The following SCN7A variants were observed in gnomAD, a reference collection of about 807,000 sequenced individuals.
The protein encoded by SCN7A is sodium channel protein type 7 subunit alpha.
Under a neutral mutation model 155.2 loss-of-function variants are expected in SCN7A, and 138 were observed. That is an observed-to-expected ratio of 0.89 (90% CI 0.77 to 1.02). The LOEUF (loss-of-function observed/expected upper bound fraction) is 1.02. SCN7A is among the 50% of genes least tolerant of loss of function. SCN7A has a pLI of 0.00. For missense variants in SCN7A, 2,058 were observed against 1,986.6 expected (o/e 1.04, Z -0.68); for synonymous variants, 693 against 649.0 (o/e 1.07, Z -1.03).
intron 12 of SCN7A, among the ~76,000 whole-genome samples, chr2:166,445,476 G>T (rs1462604002): frequency 6.6e-6 from 1 of 152,146 alleles, no homozygotes; most frequent in East Asian, 1.9e-4. Flanking sequence ...GAGATTTGAG[G>T]ATAGAATTCT....
intron 14 of SCN7A, 92 bp downstream of exon 14, chr2:166,443,411 A>G (rs1012996425): frequency 3.9e-6 from 4 of 1,017,652 alleles, no homozygotes; most frequent in Non-Finnish European, 4.3e-6. Context: ...CAATGTCCCA[A>G]TGGGATAGGT....
chr2:166,484,962 A>C (rs1229956254), intron 2 of SCN7A, among the ~76,000 whole-genome samples: 2 of 152,140 alleles, frequency 1.3e-5, no homozygotes, highest in African/African-American at 4.8e-5. Context: ...CTTTTAAAGC[A>C]TAAGTACCCA....
intron 3 of SCN7A, among the ~76,000 whole-genome samples, chr2:166,476,994 AT>A (rs1702813257): frequency 6.6e-6 from 1 of 152,088 alleles, no homozygotes; most frequent in African/African-American, 2.4e-5. Flanking sequence ...GCCTAAAGTC[AT>A]TCTGGAGATA....
chr2:166,426,950 G>C (rs772555201), intron 18 of SCN7A, among the ~76,000 whole-genome samples: 9 of 152,022 alleles, frequency 5.9e-5, no homozygotes, highest in Non-Finnish European at 1.2e-4. Flanking sequence ...CAGTTAACTA[G>C]ATCTTGTATG....
intron 15 of SCN7A, among the ~76,000 whole-genome samples, chr2:166,434,201 C>T (rs1701791626): frequency 6.6e-6 from 1 of 152,004 alleles, no homozygotes; most frequent in Admixed American, 6.6e-5. Context: ...GTGTTTAATC[C>T]TAATGGGTTA....
intron 7 of SCN7A, 77 bp downstream of exon 7, chr2:166,470,538 A>G (rs1702629640): frequency 2.4e-6 from 3 of 1,226,072 alleles, no homozygotes; most frequent in African/African-American, 1.5e-5. Flanking sequence ...CCTCTGAACA[A>G]CAACAGGGAA....
Position 166,405,327 on chromosome 2 carries a change from A to C in SCN7A, c.*253T>G. On this transcript the variant is annotated 3_prime_UTR_variant, in exon 26 of 26. Transcript: ENST00000643258. ...GGCACACATCATATAAGCCATGTAG[A>C]GAAAACAAATATGAGATTGTCAAAT... The C allele has an allele frequency of 2.4e-6, 1 of 416,994 alleles. No homozygotes were observed. The allele number at this position is 416,994 out of a possible 1,614,324, so 25.8% of individuals were successfully genotyped here.
chr2:166,411,814 G>A (rs1316051018), intron 23 of SCN7A, among the ~76,000 whole-genome samples: 2 of 152,000 alleles, frequency 1.3e-5, no homozygotes, highest in Non-Finnish European at 2.9e-5. Context: ...TACTGTACCA[G>A]ATTTTACACA....
intron 16 of SCN7A, among the ~76,000 whole-genome samples, chr2:166,429,744 G>T (rs1016681019): frequency 6.6e-6 from 1 of 152,016 alleles, no homozygotes; most frequent in Non-Finnish European, 1.5e-5. Flanking sequence ...TCTTATGTAT[G>T]TCATCACAGG....
In SCN7A at chr2:166,414,191, TATA is replaced by T. The variant is rs1333638114; in HGVS notation, c.3415-1073_3415-1071del. Among the ~76,000 whole-genome samples, 50 of 97,658 alleles carry T rather than the reference TATA, an allele frequency of 5.1e-4. No individual in the cohort carries two copies. The East Asian group carries it at 6.8e-3, about 13-fold the overall frequency. The allele number at this position is 97,658 out of a possible 152,430, so 64.1% of individuals were successfully genotyped here. A position where few individuals can be genotyped will look rare whatever the true frequency, so the allele number is the denominator to read the frequency against. The stretch of plus-strand genomic sequence containing the variant: ...TATATATATGTAAATATATATAATA[TATA>T]ATATATTATATATATGTAAATATAT... On this transcript the variant is annotated intron_variant, in intron 21 of 25. Coordinates refer to ENST00000643258, the MANE Select transcript of SCN7A (RefSeq NM_002976.4).
chr2:166,451,091 G>A (rs2105452990), intron 11 of SCN7A, among the ~76,000 whole-genome samples: 1 of 152,238 alleles, frequency 6.6e-6, no homozygotes, highest in South Asian at 2.1e-4. Flanking sequence ...TTCAGATAGG[G>A]ACAATGTTTG....
chr2:166,482,511 A>G (rs1014952778), intron 2 of SCN7A, among the ~76,000 whole-genome samples: 3 of 151,934 alleles, frequency 2.0e-5, no homozygotes, highest in African/African-American at 7.2e-5. Flanking sequence ...CTTTCCTCAT[A>G]TATAAAATTT....
Position 166,405,284 on chromosome 2 carries a change from T to TC in SCN7A, c.*295dup, listed in dbSNP as rs1701042553. On this transcript the variant is annotated 3_prime_UTR_variant, in exon 26 of 26. Coordinates refer to ENST00000643258, the MANE Select transcript of SCN7A (RefSeq NM_002976.4). ...GCTGCTGCTGATCTCTATCACCACT[T>TC]CCCTTCATTCCCTAGAAGGCACACA... 3.5e-6 allele frequency: 1 copy of TC among 287,566 alleles called. No individual in the cohort carries two copies. The highest frequency in any genetic ancestry group is 6.3e-6 in the Non-Finnish European group (1 of 157,768). The allele number at this position is 287,566 out of a possible 1,614,324, so 17.8% of individuals were successfully genotyped here.
chr2:166,450,167 A>G (rs1702146843), intron 11 of SCN7A, among the ~76,000 whole-genome samples: 1 of 152,228 alleles, frequency 6.6e-6, no homozygotes, highest in East Asian at 1.9e-4. Context: ...CTTGATGAAC[A>G]TGGACGCAGC....
chr2:166,426,884 C>T (rs1575016237), intron 18 of SCN7A, among the ~76,000 whole-genome samples: 1 of 151,932 alleles, frequency 6.6e-6, no homozygotes, highest in East Asian at 1.9e-4. Context: ...AAAATATAGG[C>T]AGTGCAAAGT....
rs531498308 is a variant in SCN7A, at chr2:166,447,677, C to A, written c.1322G>T (p.Arg441Met). The A allele has an allele frequency of 2.6e-5, 42 of 1,613,002 alleles. No homozygotes were observed. In the African/African-American group the frequency reaches 5.2e-4, roughly 20 times the overall value. ...AKTIQIEMKK[R>M]SPISTDTSLD... ...TGATGTGTCTGTGGAAATTGGTGAC[C>A]TTTTCTTCATTTCTATTTGTATGGT... The change falls in exon 12 of 26, where the codon AGG (arginine) becomes ATG (methionine). Residue 441 changes from arginine (R) to methionine (M), a missense_variant. Coordinates refer to ENST00000643258, the MANE Select transcript of SCN7A (RefSeq NM_002976.4).
chr2:166,447,708 C>T lies in SCN7A; in HGVS notation c.1291G>A (p.Ala431Thr). 6.2e-7 allele frequency: 1 copy of T among 1,609,274 alleles called. No homozygotes were observed. The highest frequency in any genetic ancestry group is 1.1e-5 in the South Asian group (1 of 90,902). ...ELQEGNETDE[A>T]KTIQIEMKKR... ...TTCATTTCTATTTGTATGGTCTTGG[C>T]CTGAAAAGGAATTTGATGGTTTAAT... The change falls in exon 12 of 26, where the codon GCC becomes ACC. Residue 431 changes from alanine (A) to threonine (T), a missense_variant and splice_region_variant. Coordinates refer to ENST00000643258, the MANE Select transcript of SCN7A (RefSeq NM_002976.4).
At chr2:166,462,234 T>C (rs145202339) in intron 10 of SCN7A, 155 bp downstream of exon 10, 220 of 751,176 alleles carry the variant, frequency 2.9e-4, no homozygotes, top group African/African-American at 2.0e-3. Flanking sequence ...GGCCAGCATA[T>C]AATTTGACAT....
At position 166,404,747 on chromosome 2, in the gene SCN7A, C is replaced by T. The variant is rs1384737626; in HGVS notation, c.*833G>A. 1 of 135,802 alleles carries T rather than the reference C, an allele frequency of 7.4e-6. No homozygotes were observed. Among genetic ancestry groups the T allele is most frequent in the Non-Finnish European group, 1.5e-5 (1 of 65,346 alleles). The allele number at this position is 135,802 out of a possible 1,614,324, so 8.4% of individuals were successfully genotyped here. A position where few individuals can be genotyped will look rare whatever the true frequency, so the allele number is the denominator to read the frequency against. On this transcript the variant is annotated 3_prime_UTR_variant, in exon 26 of 26. Transcript: ENST00000643258. ...CAATTTCATAAGGTAAAGCTTGAGT[C>T]TATTAACATGTTATTTATTACATCA...
Sources: allele counts gnomAD v4.1 joint callset (sites outside exome capture counted in the v4.1 genomes callset), GRCh38; gene constraint gnomAD v4.1.1; transcripts MANE v1.5; gene names NCBI Gene and HGNC (gene_info 2026-07-23, HGNC 2026-07-21).